Variants in FBXL7 observed in about 807,000 individuals in gnomAD.
The protein encoded by FBXL7 is F-box and leucine rich repeat protein 7, also known as F-box/LRR-repeat protein 7.
Under a neutral mutation model 38.3 loss-of-function variants are expected in FBXL7, and 12 were observed. That is an observed-to-expected ratio of 0.31 (90% CI 0.20 to 0.51). FBXL7 has a LOEUF of 0.51. Ranked by LOEUF, FBXL7 falls within the 20% of genes least tolerant of loss-of-function variation. FBXL7 has a pLI of 0.98. For synonymous variants in FBXL7, 297 were observed against 300.9 expected, an observed-to-expected ratio of 0.99 and a Z score of 0.13; for missense variants, 567 against 676.4, an observed-to-expected ratio of 0.84 and a Z score of 1.79.
At chr5:15,916,664 T>G (rs751481738) in intron 2 of FBXL7, among the ~76,000 whole-genome samples, 9 of 152,212 alleles carry the variant, frequency 5.9e-5, no homozygotes, top group Admixed American at 1.3e-4. Context: ...AAATTTCATT[T>G]AATAAACTAT....
At chr5:15,810,314 A>T (rs557991483) in intron 2 of FBXL7, among the ~76,000 whole-genome samples, 1 of 152,272 alleles carries the variant, frequency 6.6e-6, no homozygotes, top group East Asian at 1.9e-4. Context: ...TAATCCCAGC[A>T]CTTTGGGAGG....
intron 2 of FBXL7, among the ~76,000 whole-genome samples, chr5:15,731,923 C>G (rs959481064): frequency 2.0e-5 from 3 of 152,230 alleles, no homozygotes; most frequent in Admixed American, 6.5e-5. Flanking sequence ...CCAGAAACAA[C>G]AAGCATGTCA....
Position 15,936,779 on chromosome 5 carries a change from A to G in FBXL7, c.1069A>G (p.Ile357Val). 1.9e-6 allele frequency: 3 copies of G among 1,611,804 alleles called. No individual in the cohort carries two copies. The highest frequency in any genetic ancestry group is 2.5e-6 in the Non-Finnish European group (3 of 1,179,418). Residue 357 changes from isoleucine to valine, a missense_variant, in exon 4 of 4, where the codon ATC becomes GTC. Physicochemically the swap from Ile to Val is conservative, Grantham distance 29. Coordinates refer to ENST00000504595, the MANE Select transcript of FBXL7 (RefSeq NM_012304.5). This position sits in a 1 kb window ranked among gnomAD's most constrained non-coding sequence, Gnocchi z 6.0. ...KLESRLRYLS[I>V]AHCGRVTDVG... ...GGAGTCCCGCCTGCGGTACCTGAGC[A>G]TCGCGCACTGCGGCCGGGTCACCGA...
At chr5:15,659,247 A>C (rs371283881) in intron 2 of FBXL7, among the ~76,000 whole-genome samples, 2 of 152,208 alleles carry the variant, frequency 1.3e-5, no homozygotes, top group Non-Finnish European at 2.9e-5. Flanking sequence ...AGAAGAAAAA[A>C]TATGCAAATG....
At chr5:15,691,569 C>G (rs749907161) in intron 2 of FBXL7, among the ~76,000 whole-genome samples, 66 of 152,304 alleles carry the variant, frequency 4.3e-4, no homozygotes, top group Non-Finnish European at 7.9e-4. Context: ...AGGTGCTGCT[C>G]AGTGTACTTC....
At chr5:15,561,156 TA>T in intron 1 of FBXL7, among the ~76,000 whole-genome samples, 1 of 152,286 alleles carries the variant, frequency 6.6e-6, no homozygotes, top group Middle Eastern at 3.4e-3. Context: ...GTAGTCCACA[TA>T]CTGTGGTTAG....
At chr5:15,806,647 C>T (rs1043693597) in intron 2 of FBXL7, among the ~76,000 whole-genome samples, 4 of 152,096 alleles carry the variant, frequency 2.6e-5, no homozygotes, top group African/African-American at 7.2e-5. Context: ...GGGCTTTTCC[C>T]GTCCAACTTG....
intron 2 of FBXL7, among the ~76,000 whole-genome samples, chr5:15,692,727 G>T (rs929723976): frequency 6.6e-6 from 1 of 152,138 alleles, no homozygotes; most frequent in African/African-American, 2.4e-5. Context: ...GTTGTTATTC[G>T]TACATAGGGC....
At chr5:15,590,712 A>T (rs1316312435) in intron 1 of FBXL7, among the ~76,000 whole-genome samples, 1 of 152,024 alleles carries the variant, frequency 6.6e-6, no homozygotes, top group African/African-American at 2.4e-5. Flanking sequence ...AGTGGTGATT[A>T]CAGTGATCAG....
intron 2 of FBXL7, among the ~76,000 whole-genome samples, chr5:15,727,702 C>G (rs1735447013): frequency 6.6e-6 from 1 of 152,034 alleles, no homozygotes; most frequent in Non-Finnish European, 1.5e-5. Context: ...GTATGGGTCA[C>G]TTTGAGGTTA....
intron 2 of FBXL7, among the ~76,000 whole-genome samples, chr5:15,820,958 G>A (rs1053211832): frequency 6.6e-6 from 1 of 152,028 alleles, no homozygotes; most frequent in East Asian, 1.9e-4. Context: ...CCACCACCCC[G>A]CAAATCCCAG....
intron 2 of FBXL7, among the ~76,000 whole-genome samples, chr5:15,808,094 G>A (rs1419031937): frequency 1.3e-5 from 2 of 151,890 alleles, no homozygotes; most frequent in Non-Finnish European, 2.9e-5. Flanking sequence ...ACATCTGTGC[G>A]GGAAATTACT....
At chr5:15,609,514 G>T (rs192966857) in intron 1 of FBXL7, among the ~76,000 whole-genome samples, 16 of 152,330 alleles carry the variant, frequency 1.1e-4, no homozygotes, top group Non-Finnish European at 1.5e-4. Context: ...CACTGTGCCA[G>T]TGTTTCTTAT....
At chr5:15,536,850 A>G (rs1316286543) in intron 1 of FBXL7, among the ~76,000 whole-genome samples, 1 of 151,954 alleles carries the variant, frequency 6.6e-6, no homozygotes, top group South Asian at 2.1e-4. Context: ...GGGCAGAGTG[A>G]TATGGTTTGG....
chr5:15,591,856 A>G (rs1457496962), intron 1 of FBXL7, among the ~76,000 whole-genome samples: 1 of 152,118 alleles, frequency 6.6e-6, no homozygotes, highest in African/African-American at 2.4e-5. Context: ...GACTACAGGC[A>G]CGCACCACCA....
At chr5:15,769,114 C>T (rs374069426) in intron 2 of FBXL7, among the ~76,000 whole-genome samples, 11 of 152,282 alleles carry the variant, frequency 7.2e-5, no homozygotes, top group South Asian at 2.1e-4. Flanking sequence ...CTGCATTGTC[C>T]GCTGTCTTCC....
At chr5:15,502,700 C>T (rs1023327202) in intron 1 of FBXL7, among the ~76,000 whole-genome samples, 4 of 152,112 alleles carry the variant, frequency 2.6e-5, no homozygotes, top group Non-Finnish European at 2.9e-5. Context: ...TTCTCTAAAC[C>T]CCACCTATAC....
Position 15,640,532 on chromosome 5 carries a change from G to GTT in FBXL7, c.127+24470_127+24471dup, listed in dbSNP as rs34462817. On this transcript the variant is annotated intron_variant, in intron 2 of 3. Transcript: ENST00000504595. ...GGGGGTTAGGGCTTTGTTTTTTTTT[G>GTT]TTTTTTTTTTTGAGGGAGTCTTGCT... 3.8e-3 allele frequency among the ~76,000 whole-genome samples: 549 copies of GTT among 143,842 alleles called. 1 individual carries two copies. Among genetic ancestry groups the GTT allele is most frequent in the African/African-American group, 9.8e-3 (382 of 39,154 alleles). The allele number at this position is 143,842 out of a possible 152,430, so 94.4% of individuals were successfully genotyped here. A position where few individuals can be genotyped will look rare whatever the true frequency, so the allele number is the denominator to read the frequency against.
intron 2 of FBXL7, among the ~76,000 whole-genome samples, chr5:15,630,880 T>C (rs888185509): frequency 3.3e-5 from 5 of 152,160 alleles, no homozygotes; most frequent in Non-Finnish European, 7.4e-5. Flanking sequence ...CATTTATGTG[T>C]GATACAAGTA....
Sources: allele counts gnomAD v4.1 joint callset (sites outside exome capture counted in the v4.1 genomes callset), GRCh38; gene constraint gnomAD v4.1.1; non-coding constraint Gnocchi (gnomAD v3.1); transcripts MANE v1.5; gene names NCBI Gene and HGNC (gene_info 2026-07-23, HGNC 2026-07-21).